Variants in TRERF1 observed in about 807,000 individuals in gnomAD.
The protein encoded by TRERF1 is transcriptional regulating factor 1, also known as transcriptional-regulating factor 1.
A neutral mutation model predicts 122.9 loss-of-function variants in TRERF1; 27 were observed. The observed-to-expected ratio is 0.22, with a 90% confidence interval of 0.16 to 0.30. TRERF1 has a LOEUF of 0.30. Ranked by LOEUF, TRERF1 falls within the 10% of genes least tolerant of loss-of-function variation. The pLI, the probability that TRERF1 is intolerant of heterozygous loss-of-function variation, is 1.00. For missense variants in TRERF1, 1,248 were observed against 1,560.3 expected (o/e 0.80, Z 3.37); for synonymous variants, 636 against 641.7 (o/e 0.99, Z 0.13).
In TRERF1 at chr6:42,389,085, G is replaced by C. The variant is rs116737717; in HGVS notation, c.-453-26006C>G. ...GACAAAATACCATGGACATAAGATA[G>C]AATTGGAGAGAGGGGGTACTTAAAA... On this transcript the variant is annotated intron_variant, in intron 2 of 17. Coordinates refer to ENST00000372922, the Ensembl canonical transcript of TRERF1. Among the ~76,000 whole-genome samples the C allele has an allele frequency of 2.8e-3, 421 of 152,224 alleles. 2 individuals carry two copies. Among genetic ancestry groups the C allele is most frequent in the African/African-American group, 9.7e-3 (403 of 41,536 alleles).
intron 4 of TRERF1, among the ~76,000 whole-genome samples, chr6:42,290,118 C>T (rs1056871161): frequency 6.6e-6 from 1 of 152,158 alleles, no homozygotes; most frequent in Admixed American, 6.5e-5. Context: ...TGAAGAAGGG[C>T]GGCCAGCACG....
chr6:42,322,317 A>G (rs1395304310), intron 3 of TRERF1, among the ~76,000 whole-genome samples: 3 of 152,168 alleles, frequency 2.0e-5, no homozygotes, highest in African/African-American at 7.2e-5. Context: ...ATTAAAGCAC[A>G]TTATTGAAAA....
intron 3 of TRERF1, among the ~76,000 whole-genome samples, chr6:42,347,862 G>GGGAGCGGAGGTAAAACCTGAGAAGT (rs1768620094): frequency 1.3e-5 from 2 of 152,234 alleles, no homozygotes; most frequent in Non-Finnish European, 2.9e-5. Flanking sequence ...GCTTCCCAGA[G>GGGAGCGGAGGTAAAACCTGAGAAGT]GGAGCGGAGG....
intron 3 of TRERF1, among the ~76,000 whole-genome samples, chr6:42,303,031 A>G (rs1435977372): frequency 1.3e-5 from 2 of 152,244 alleles, no homozygotes; most frequent in Non-Finnish European, 2.9e-5. Flanking sequence ...AGAGAACCAT[A>G]TAAACAGATA....
chr6:42,299,116 C>CCGTCTCTATCTATCTATCTATCTA (rs1554152172), intron 4 of TRERF1, among the ~76,000 whole-genome samples: 34 of 141,680 alleles, frequency 2.4e-4, no homozygotes, highest in African/African-American at 8.3e-4. Flanking sequence ...GTCTGTCTGT[C>CCGTCTCTATCTATCTATCTATCTA]TCTATCTATC....
chr6:42,297,272 G>A (rs1785274171), intron 4 of TRERF1, among the ~76,000 whole-genome samples: 1 of 152,146 alleles, frequency 6.6e-6, no homozygotes, highest in Non-Finnish European at 1.5e-5. Flanking sequence ...TAATATGCTG[G>A]ATACAATTTT....
intron 3 of TRERF1, among the ~76,000 whole-genome samples, chr6:42,335,521 G>A (rs1041187305): frequency 3.3e-5 from 5 of 152,198 alleles, no homozygotes; most frequent in Non-Finnish European, 5.9e-5. Context: ...AGGCCAATTG[G>A]ATCTAGTGTC....
chr6:42,259,760 G>A lies in TRERF1; in HGVS notation c.1885-37C>T. 6.3e-7 allele frequency: 1 copy of A among 1,598,676 alleles called. No homozygotes were observed. The highest frequency in any genetic ancestry group is 8.5e-7 in the Non-Finnish European group (1 of 1,179,502). ...ACAACGATCTGATTCGAATACTTCA[G>A]CTTCCCCCGCAGGCCATTTCCACAG... On this transcript the variant is annotated intron_variant, in intron 8 of 17. Coordinates refer to ENST00000372922, the Ensembl canonical transcript of TRERF1. This position sits in a 1 kb window ranked among gnomAD's most constrained non-coding sequence, Gnocchi z 4.9.
Position 42,232,521 on chromosome 6 carries a change from C to T in TRERF1, c.3278+160G>A, listed in dbSNP as rs1294690261. ...ACAGAATGGCCATATTCTGAGTCTG[C>T]AACAGGACTACATACCCATCCCAAA... On this transcript the variant is annotated intron_variant, in intron 17 of 17. Transcript: ENST00000372922. The surrounding 1 kb of genome is among the most constrained non-coding windows in gnomAD (Gnocchi z 4.5). 6.6e-6 allele frequency among the ~76,000 whole-genome samples: 1 copy of T among 152,186 alleles called. No homozygotes were observed. Among genetic ancestry groups the T allele is most frequent in the African/African-American group, 2.4e-5 (1 of 41,446 alleles).
chr6:42,268,944 A>G lies in TRERF1; in HGVS notation c.647T>C (p.Leu216Pro). The G allele has an allele frequency of 6.2e-7, 1 of 1,611,970 alleles. No homozygotes were observed. The highest frequency in any genetic ancestry group is 8.5e-7 in the Non-Finnish European group (1 of 1,178,414). The change falls in exon 5 of 18, where the codon CTG becomes CCG. Residue 216 changes from leucine (L) to proline (P), a missense_variant. Leu to Pro is a moderately conservative substitution (Grantham distance 98). This residue lies in a region of TRERF1 where 946 missense variants were observed against 1,073.0 expected (regional missense o/e 0.88). Transcript: ENST00000372922. This position sits in a 1 kb window ranked among gnomAD's most constrained non-coding sequence, Gnocchi z 4.4. ...CCCGACCTGAAGAGCTGGTTTGGAC[A>G]GCCCACCAGTGAAACCAGGGTGAGG...
intron 4 of TRERF1, among the ~76,000 whole-genome samples, chr6:42,285,123 G>T (rs896622676): frequency 6.6e-6 from 1 of 152,170 alleles, no homozygotes; most frequent in Non-Finnish European, 1.5e-5. Flanking sequence ...AGCATGAAAT[G>T]TTCTTCCATT....
At chr6:42,368,459 A>G (rs755258375) in intron 2 of TRERF1, among the ~76,000 whole-genome samples, 2 of 152,204 alleles carry the variant, frequency 1.3e-5, no homozygotes, top group Non-Finnish European at 2.9e-5. Context: ...AAGAACTTCA[A>G]TGGTAAAGAT....
At chr6:42,299,437 T>G (rs957806768) in intron 4 of TRERF1, among the ~76,000 whole-genome samples, 1 of 152,170 alleles carries the variant, frequency 6.6e-6, no homozygotes, top group African/African-American at 2.4e-5. Flanking sequence ...GTTCTAAACA[T>G]CTATGCACCA....
chr6:42,327,635 C>A (rs1764516400), intron 3 of TRERF1, among the ~76,000 whole-genome samples: 1 of 152,206 alleles, frequency 6.6e-6, no homozygotes, highest in Non-Finnish European at 1.5e-5. Context: ...ACGTGAGGAT[C>A]AAATGCATTC....
chr6:42,248,007 T>C (rs1050272157), intron 13 of TRERF1, among the ~76,000 whole-genome samples: 30 of 152,312 alleles, frequency 2.0e-4, no homozygotes, highest in African/African-American at 7.0e-4. Flanking sequence ...AGTCCAAGGT[T>C]TCCATTTTGC....
intron 2 of TRERF1, among the ~76,000 whole-genome samples, chr6:42,402,819 T>A (rs967724912): frequency 6.6e-6 from 1 of 152,156 alleles, no homozygotes; most frequent in Non-Finnish European, 1.5e-5. Flanking sequence ...CTGCTTTACA[T>A]ACCTTTTCTC....
At chr6:42,301,141 TG>T (rs34928067) in intron 3 of TRERF1, among the ~76,000 whole-genome samples, 35,361 of 152,216 alleles carry the variant, frequency 0.23, 4,213 homozygotes, top group East Asian at 0.32. Context: ...ACTTTCCTCA[TG>T]GGGGAGCTAC....
At chr6:42,280,568 T>C (rs2150038877) in intron 4 of TRERF1, among the ~76,000 whole-genome samples, 1 of 152,282 alleles carries the variant, frequency 6.6e-6, no homozygotes, top group East Asian at 1.9e-4. Flanking sequence ...GCCCTCGGGG[T>C]TCAGCCCAGC....
chr6:42,370,859 C>A (rs1475218511), intron 2 of TRERF1, among the ~76,000 whole-genome samples: 3 of 152,172 alleles, frequency 2.0e-5, no homozygotes, highest in Non-Finnish European at 4.4e-5. Context: ...CTCCCTGGCC[C>A]CTGAGGAGGA....
Sources: allele counts gnomAD v4.1 joint callset (sites outside exome capture counted in the v4.1 genomes callset), GRCh38; gene constraint gnomAD v4.1.1; regional missense constraint gnomAD v4.1.1; non-coding constraint Gnocchi (gnomAD v3.1); transcripts MANE v1.5; gene names NCBI Gene and HGNC (gene_info 2026-07-23, HGNC 2026-07-21).